The following VPS13B variants were observed in gnomAD, a reference collection of about 807,000 sequenced individuals.
The protein encoded by VPS13B is vacuolar protein sorting 13 homolog B, also known as intermembrane lipid transfer protein VPS13B.
Under a neutral mutation model 426.4 loss-of-function variants are expected in VPS13B, and 285 were observed. That is an observed-to-expected ratio of 0.67 (90% CI 0.61 to 0.74). The LOEUF (loss-of-function observed/expected upper bound fraction) is 0.74. VPS13B is among the 30% of genes least tolerant of loss of function. The pLI is 0.00. For missense variants in VPS13B, 4,537 were observed against 4,782.6 expected (o/e 0.95, Z 1.51); for synonymous variants, 1,676 against 1,676.4 (o/e 1.00, Z 0.01).
chr8:99,869,857 GTAAACATTTACAAGCCCT>G (rs1177931340), intron 59 of VPS13B, among the ~76,000 whole-genome samples: 1 of 152,192 alleles, frequency 6.6e-6, no homozygotes, highest in Non-Finnish European at 1.5e-5. Flanking sequence ...TGCGTCGTTT[GTAAACATTTACAAGCCCT>G]CAGAAAGCAC....
chr8:99,398,101 T>C (rs1298466364), intron 21 of VPS13B, among the ~76,000 whole-genome samples: 1 of 152,188 alleles, frequency 6.6e-6, no homozygotes, highest in Non-Finnish European at 1.5e-5. Context: ...AAGACAAAGC[T>C]GGTTAAAAAA....
intron 17 of VPS13B, among the ~76,000 whole-genome samples, chr8:99,258,367 T>A (rs1817866424): frequency 6.6e-6 from 1 of 151,956 alleles, no homozygotes; most frequent in African/African-American, 2.4e-5. Context: ...GTATTATTAT[T>A]TTAACCAATA....
chr8:99,819,352 A>G lies in VPS13B; in HGVS notation c.8622-60A>G, dbSNP rs2130815650. 1.0e-5 allele frequency: 16 copies of G among 1,581,588 alleles called. No homozygotes were observed. In the South Asian group the frequency reaches 1.6e-4, roughly 15 times the overall value. ...CATTTGTAGTTAGATATTTTTCAATAAATTATATACCACTTTAGAAATCTG... is the reference window on the plus strand; with the variant it reads ...CATTTGTAGTTAGATATTTTTCAATGAATTATATACCACTTTAGAAATCTG... On this transcript the variant is annotated intron_variant, in intron 47 of 61. Transcript: ENST00000357162.
intron 21 of VPS13B, among the ~76,000 whole-genome samples, chr8:99,415,073 A>T (rs1815920714): frequency 1.3e-5 from 2 of 152,028 alleles, no homozygotes; most frequent in Admixed American, 1.3e-4. Flanking sequence ...CTTTTCACAT[A>T]GTCCCATATT....
intron 3 of VPS13B, among the ~76,000 whole-genome samples, chr8:99,088,059 G>C (rs200379067): frequency 2.1e-4 from 32 of 151,626 alleles, no homozygotes; most frequent in African/African-American, 6.0e-4. Flanking sequence ...TGGCATGCAC[G>C]TGTAATCCCA....
At chr8:99,085,727 A>G (rs987669938) in intron 3 of VPS13B, among the ~76,000 whole-genome samples, 4 of 152,154 alleles carry the variant, frequency 2.6e-5, no homozygotes. Context: ...TTGGCTGGAT[A>G]TGAAATTCTG....
intron 19 of VPS13B, among the ~76,000 whole-genome samples, chr8:99,302,587 G>A (rs978998670): frequency 5.3e-5 from 8 of 152,046 alleles, no homozygotes; most frequent in East Asian, 3.9e-4. Flanking sequence ...TTGGCTCACT[G>A]CAACCTCCAT....
chr8:99,800,844 A>G (rs1813086137), intron 43 of VPS13B, among the ~76,000 whole-genome samples: 1 of 152,176 alleles, frequency 6.6e-6, no homozygotes, highest in Non-Finnish European at 1.5e-5. Context: ...TAATAAAAAG[A>G]TTCTATGGCT....
intron 19 of VPS13B, among the ~76,000 whole-genome samples, chr8:99,374,164 T>A (rs980472734): frequency 1.3e-5 from 2 of 151,918 alleles, no homozygotes; most frequent in Non-Finnish European, 2.9e-5. Flanking sequence ...TTGTGTCTTT[T>A]TTTTTTCTTC....
intron 3 of VPS13B, among the ~76,000 whole-genome samples, chr8:99,094,875 G>A (rs899164402): frequency 7.2e-5 from 11 of 152,124 alleles, no homozygotes; most frequent in Non-Finnish European, 8.8e-5. Flanking sequence ...TTCATGGTGC[G>A]CAATGCACTC....
At chr8:99,823,402 T>A (rs1364595129) in intron 50 of VPS13B, among the ~76,000 whole-genome samples, 2 of 152,176 alleles carry the variant, frequency 1.3e-5, no homozygotes, top group Non-Finnish European at 2.9e-5. Context: ...AGAACTCTCC[T>A]TGGTTCATCA....
At chr8:99,826,114 A>G (rs974875909) in intron 51 of VPS13B, among the ~76,000 whole-genome samples, 5 of 152,124 alleles carry the variant, frequency 3.3e-5, no homozygotes, top group African/African-American at 4.8e-5. Flanking sequence ...AAGAAAGTCA[A>G]TGGTAGCTTG....
chr8:99,058,916 A>G (rs1844031605), intron 3 of VPS13B, among the ~76,000 whole-genome samples: 1 of 152,202 alleles, frequency 6.6e-6, no homozygotes, highest in Non-Finnish European at 1.5e-5. Context: ...ATATGCTAAC[A>G]TTACTAGTAA....
chr8:99,502,659 A>C (rs928320061), intron 26 of VPS13B, among the ~76,000 whole-genome samples, 177 bp from the exon 27 acceptor site: 2 of 152,218 alleles, frequency 1.3e-5, no homozygotes, highest in African/African-American at 4.8e-5. Context: ...TCTTGAAATA[A>C]ATGTCTTATC....
At chr8:99,106,434 CAAAAA>C (rs71273163) in intron 5 of VPS13B, among the ~76,000 whole-genome samples, 1 of 84,068 alleles carries the variant, frequency 1.2e-5, no homozygotes, top group African/African-American at 5.0e-5. Flanking sequence ...GACTCCACCT[CAAAAA>C]AAAAAAAAAA....
At chr8:99,162,877 C>A (rs951430020) in intron 15 of VPS13B, among the ~76,000 whole-genome samples, 2 of 152,242 alleles carry the variant, frequency 1.3e-5, no homozygotes, top group South Asian at 4.1e-4. Context: ...CTGGCCCCAC[C>A]CACATCTTGC....
At chr8:99,487,021 G>C (rs2133569303) in intron 25 of VPS13B, among the ~76,000 whole-genome samples, 1 of 151,358 alleles carries the variant, frequency 6.6e-6, no homozygotes, top group East Asian at 2.0e-4. Context: ...GCAGGAGAGA[G>C]AGTTTATCAG....
chr8:99,743,884 C>A (rs1809906533), intron 39 of VPS13B, among the ~76,000 whole-genome samples: 2 of 152,106 alleles, frequency 1.3e-5, no homozygotes, highest in African/African-American at 2.4e-5. Flanking sequence ...AGAAGAAAAC[C>A]TAGGCAATAC....
At chr8:99,314,306 G>A (rs1011277592) in intron 19 of VPS13B, among the ~76,000 whole-genome samples, 10 of 151,978 alleles carry the variant, frequency 6.6e-5, no homozygotes, top group African/African-American at 2.4e-4. Flanking sequence ...GGCCATCTTG[G>A]AACCACCCCC....
Sources: gnomAD v4.1 joint callset for allele counts (sites outside exome capture counted in the v4.1 genomes callset) on GRCh38, gnomAD v4.1.1 for gene constraint, MANE v1.5 for transcripts, NCBI Gene and HGNC (gene_info 2026-07-23, HGNC 2026-07-21) for gene names.